HMGB1: variants seen among roughly 807,000 people sequenced by gnomAD.
The protein encoded by HMGB1 is high mobility group protein B1.
For missense variants in HMGB1, 79 were observed against 253.5 expected (o/e 0.31, Z 4.67); for synonymous variants, 81 against 84.0 (o/e 0.96, Z 0.19).
At chr13:30,507,248 C>T (rs60836250) in intron 1 of HMGB1, among the ~76,000 whole-genome samples, 13,958 of 152,222 alleles carry the variant, frequency 0.092, 895 homozygotes, top group East Asian at 0.19. Flanking sequence ...TCCTGCTCAT[C>T]CCATAAGACT....
rs371192063 is a variant in HMGB1, at chr13:30,585,145, A to G, written c.-15+31526T>C. Among the ~76,000 whole-genome samples, 670 of 149,682 alleles carry G rather than the reference A, an allele frequency of 4.5e-3. 7 individuals carry two copies. The highest frequency in any genetic ancestry group is 0.015 in the African/African-American group (624 of 40,294). ...AGCCTGGGCTACAGAATGATACCTCATCTAAAAAAAAAAAAAAATTAGCCA... is the reference window on the plus strand; with the variant it reads ...AGCCTGGGCTACAGAATGATACCTCGTCTAAAAAAAAAAAAAAATTAGCCA... On this transcript the variant is annotated intron_variant, in intron 1 of 4. Transcript: ENST00000405805.
intron 1 of HMGB1, among the ~76,000 whole-genome samples, chr13:30,538,482 C>CTTTCTTTCTTTCTTTCTTTA (rs1868575663): frequency 2.4e-4 from 8 of 33,568 alleles, no homozygotes; most frequent in African/African-American, 7.1e-4. Context: ...TTCTTTCTTT[C>CTTTCTTTCTTTCTTTCTTTA]TTTCTTTCTT....
intron 1 of HMGB1, among the ~76,000 whole-genome samples, chr13:30,495,779 A>G (rs1887598143): frequency 6.6e-6 from 1 of 152,158 alleles, no homozygotes; most frequent in East Asian, 1.9e-4. Context: ...CACCCGGCCA[A>G]TATTTCCCTT....
At chr13:30,486,943 C>A (rs964083355) in intron 1 of HMGB1, among the ~76,000 whole-genome samples, 1 of 152,040 alleles carries the variant, frequency 6.6e-6, no homozygotes, top group African/African-American at 2.4e-5. Context: ...ATGTTGGGTG[C>A]GGGAGGGGAA....
chr13:30,606,337 A>C (rs1168543853), intron 1 of HMGB1, among the ~76,000 whole-genome samples: 1 of 152,216 alleles, frequency 6.6e-6, no homozygotes, highest in East Asian at 1.9e-4. Flanking sequence ...ATCACTTATT[A>C]GCTCTGAAGA....
intron 1 of HMGB1, chr13:30,542,041 G>C (rs909717131): frequency 6.5e-6 from 1 of 153,370 alleles, no homozygotes; most frequent in Non-Finnish European, 1.5e-5. Flanking sequence ...TCCCTTGTTT[G>C]TTTTAGCTTC....
chr13:30,520,501 T>A (rs952591470), intron 1 of HMGB1, among the ~76,000 whole-genome samples: 1 of 151,528 alleles, frequency 6.6e-6, no homozygotes, highest in Non-Finnish European at 1.5e-5. Flanking sequence ...ATGCCTGTAA[T>A]CCCAGCTACT....
At chr13:30,519,566 G>A (rs1447377834) in intron 1 of HMGB1, among the ~76,000 whole-genome samples, 2 of 150,924 alleles carry the variant, frequency 1.3e-5, no homozygotes, top group Non-Finnish European at 2.9e-5. Flanking sequence ...CAGGCGTGGT[G>A]GCGGGCGCCT....
At chr13:30,595,373 TAA>T (rs1212013852) in intron 1 of HMGB1, among the ~76,000 whole-genome samples, 1 of 152,138 alleles carries the variant, frequency 6.6e-6, no homozygotes, top group African/African-American at 2.4e-5. Flanking sequence ...ACATTCAATC[TAA>T]GAAGTAATTG....
At chr13:30,583,825 C>CAAA (rs781566280) in intron 1 of HMGB1, among the ~76,000 whole-genome samples, 2 of 74,328 alleles carry the variant, frequency 2.7e-5, no homozygotes, top group Non-Finnish European at 2.5e-5. Flanking sequence ...GACTCTGTCT[C>CAAA]AAAAAAAAAA....
rs55733338 is a variant in HMGB1, at chr13:30,522,126, T to TTGG, written c.-14-58433_-14-58432insCCA. The stretch of plus-strand genomic sequence containing the variant: ...TTATGATACTTTTTTTTTTTTTTTT[T>TTGG]GGGCAAGACAAGGTCTTGCTCTGTC... On this transcript the variant is annotated intron_variant, in intron 1 of 4. Coordinates refer to the HMGB1 transcript ENST00000405805. Among the ~76,000 whole-genome samples the TTGG allele has an allele frequency of 4.8e-4, 71 of 148,392 alleles. No homozygotes were observed. The South Asian group carries it at 7.6e-3, about 16-fold the overall frequency.
intron 1 of HMGB1, among the ~76,000 whole-genome samples, chr13:30,473,651 T>C (rs1208226692): frequency 6.6e-6 from 1 of 152,202 alleles, no homozygotes; most frequent in African/African-American, 2.4e-5. Flanking sequence ...TTATGCACAC[T>C]TGTGGAAATG....
At chr13:30,499,399 TTGGG>T (rs1342095737) in intron 1 of HMGB1, among the ~76,000 whole-genome samples, 5 of 152,210 alleles carry the variant, frequency 3.3e-5, no homozygotes, top group African/African-American at 4.8e-5. Flanking sequence ...GATCTCCAGA[TTGGG>T]TGGCTCTTCA....
intron 1 of HMGB1, among the ~76,000 whole-genome samples, chr13:30,516,531 TG>T (rs1888105436): frequency 6.6e-6 from 1 of 152,248 alleles, no homozygotes; most frequent in African/African-American, 2.4e-5. Flanking sequence ...GAGGTTGTTT[TG>T]TCATCTAATA....
At chr13:30,513,149 C>T (rs905180122) in intron 1 of HMGB1, among the ~76,000 whole-genome samples, 1 of 152,056 alleles carries the variant, frequency 6.6e-6, no homozygotes, top group African/African-American at 2.4e-5. Flanking sequence ...GCCTGGGCAT[C>T]AGAGTGAGAC....
In HMGB1 at chr13:30,505,811, T is replaced by C. The variant is rs539580198; in HGVS notation, c.-14-42117A>G. Among the ~76,000 whole-genome samples, 8 of 152,238 alleles carry C rather than the reference T, an allele frequency of 5.3e-5. No homozygotes were observed. In the East Asian group the frequency reaches 1.3e-3, roughly 26 times the overall value. On this transcript the variant is annotated intron_variant, in intron 1 of 4. Coordinates refer to the HMGB1 transcript ENST00000405805. ...AATCACCTTAGAGCCAAGCATGCTT[T>C]TTGGATCCCCCCTTTGTCTTCACTC...
chr13:30,505,876 A>T (rs1284838051), intron 1 of HMGB1, among the ~76,000 whole-genome samples: 1 of 151,956 alleles, frequency 6.6e-6, no homozygotes. Context: ...GACATCAAGT[A>T]GACAGTTTTT....
intron 1 of HMGB1, among the ~76,000 whole-genome samples, chr13:30,537,251 C>A (rs867343474): frequency 6.6e-6 from 1 of 152,230 alleles, no homozygotes; most frequent in Non-Finnish European, 1.5e-5. Flanking sequence ...CGTCACCCAG[C>A]CACAACCAAA....
chr13:30,587,001 T>C (rs1011457723), intron 1 of HMGB1, among the ~76,000 whole-genome samples: 4 of 152,214 alleles, frequency 2.6e-5, no homozygotes. Flanking sequence ...TCACTAGTTA[T>C]TATAATTAAA....
Sources: allele counts gnomAD v4.1 joint callset (sites outside exome capture counted in the v4.1 genomes callset), GRCh38; gene constraint gnomAD v4.1.1; transcripts MANE v1.5; gene names NCBI Gene and HGNC (gene_info 2026-07-23, HGNC 2026-07-21).